Variants in AKAP6 observed in about 807,000 individuals in gnomAD.
AKAP6 encodes A-kinase anchor protein 6.
A neutral mutation model predicts 188.5 loss-of-function variants in AKAP6; 58 were observed. The ratio of observed to expected loss-of-function variants is 0.31; its 90% CI spans 0.25 to 0.38. The LOEUF (loss-of-function observed/expected upper bound fraction) is 0.38, where lower values mean the gene tolerates loss of function less well. AKAP6 is among the 10% of genes least tolerant of loss of function. The pLI is 1.00. For synonymous variants in AKAP6, 989 were observed against 998.6 expected, an observed-to-expected ratio of 0.99 and a Z score of 0.18; for missense variants, 2,710 against 2,740.0, an observed-to-expected ratio of 0.99 and a Z score of 0.24.
At chr14:32,578,901 G>A (rs1051312524) in intron 5 of AKAP6, among the ~76,000 whole-genome samples, 2 of 152,016 alleles carry the variant, frequency 1.3e-5, no homozygotes, top group Admixed American at 1.3e-4. Flanking sequence ...GTATTACAGG[G>A]TTTCTTACTT....
intron 11 of AKAP6, among the ~76,000 whole-genome samples, chr14:32,749,795 A>T (rs1042025883): frequency 3.9e-5 from 6 of 152,212 alleles, no homozygotes; most frequent in African/African-American, 1.4e-4. Flanking sequence ...GAGGATTTGA[A>T]TCTGGAAGGA....
intron 12 of AKAP6, among the ~76,000 whole-genome samples, chr14:32,787,544 AG>A (rs1283747208): frequency 6.6e-6 from 1 of 152,204 alleles, no homozygotes; most frequent in Non-Finnish European, 1.5e-5. Flanking sequence ...AAAAGCAAAA[AG>A]AATTACTACA....
intron 2 of AKAP6, among the ~76,000 whole-genome samples, chr14:32,499,887 G>T (rs1413903942): frequency 6.6e-6 from 1 of 151,860 alleles, no homozygotes; most frequent in African/African-American, 2.4e-5. Context: ...TCATACCAAA[G>T]ACCTATTATT....
At chr14:32,531,822 C>T (rs1192117773) in intron 2 of AKAP6, among the ~76,000 whole-genome samples, 1 of 152,152 alleles carries the variant, frequency 6.6e-6, no homozygotes, top group Admixed American at 6.5e-5. Flanking sequence ...TATAGTGGTT[C>T]ACTTTTTAAA....
chr14:32,828,527 TCTCACACACACACACACACACACA>T (rs1393228154), intron 13 of AKAP6, among the ~76,000 whole-genome samples: 1 of 76,650 alleles, frequency 1.3e-5, no homozygotes, highest in Non-Finnish European at 2.2e-5. Flanking sequence ...TCTCTCTCTC[TCTCACACACACACACACACACACA>T]CACACACACA....
intron 2 of AKAP6, among the ~76,000 whole-genome samples, chr14:32,501,993 A>G (rs73269408): frequency 0.097 from 14,786 of 152,042 alleles, 775 homozygotes; most frequent in African/African-American, 0.11. Context: ...TAATAGTACT[A>G]TTTTCAGCAT....
chr14:32,502,158 T>G (rs1392770042), intron 2 of AKAP6, among the ~76,000 whole-genome samples: 1 of 152,140 alleles, frequency 6.6e-6, no homozygotes, highest in Non-Finnish European at 1.5e-5. Context: ...AGTTTTTAGC[T>G]TTTTAAAAGT....
intron 2 of AKAP6, among the ~76,000 whole-genome samples, chr14:32,522,354 A>C (rs542560296): frequency 1.3e-5 from 2 of 152,308 alleles, no homozygotes; most frequent in East Asian, 3.9e-4. Context: ...TAATTAAACT[A>C]AAGAGCTTCT....
chr14:32,439,194 G>A (rs1429216001), intron 2 of AKAP6, among the ~76,000 whole-genome samples: 1 of 152,216 alleles, frequency 6.6e-6, no homozygotes, highest in African/African-American at 2.4e-5. Flanking sequence ...TGGGACATCT[G>A]AAGTTAATGC....
At chr14:32,398,735 G>A (rs1261046307) in intron 1 of AKAP6, among the ~76,000 whole-genome samples, 2 of 148,394 alleles carry the variant, frequency 1.3e-5, no homozygotes, top group Admixed American at 1.3e-4. Flanking sequence ...GCAAATTGAT[G>A]GTACTCTTTA....
At chr14:32,785,564 G>A (rs1460267617) in intron 12 of AKAP6, among the ~76,000 whole-genome samples, 2 of 152,152 alleles carry the variant, frequency 1.3e-5, no homozygotes, top group East Asian at 1.9e-4. Flanking sequence ...ATCCAAAGAC[G>A]AAAATGAAGG....
chr14:32,454,684 CTT>C (rs1891068669), intron 2 of AKAP6, among the ~76,000 whole-genome samples: 1 of 63,816 alleles, frequency 1.6e-5, no homozygotes, highest in Non-Finnish European at 3.4e-5. Flanking sequence ...TCCTTCCCTC[CTT>C]CCCTCCCTCC....
At chr14:32,343,527 T>C (rs1167478091) in intron 1 of AKAP6, among the ~76,000 whole-genome samples, 1 of 151,600 alleles carries the variant, frequency 6.6e-6, no homozygotes, top group Non-Finnish European at 1.5e-5. Context: ...GGTGGGTGGA[T>C]CACGAGGTCA....
At chr14:32,359,828 C>A (rs1274227319) in intron 1 of AKAP6, among the ~76,000 whole-genome samples, 4 of 152,116 alleles carry the variant, frequency 2.6e-5, no homozygotes, top group Non-Finnish European at 5.9e-5. Context: ...AGTGATGTAC[C>A]TTTCTCATCA....
chr14:32,711,868 G>C (rs569549784), intron 9 of AKAP6, among the ~76,000 whole-genome samples: 3 of 151,886 alleles, frequency 2.0e-5, no homozygotes, highest in African/African-American at 2.4e-5. Context: ...ATCCTCTCAG[G>C]CCTCATTTTC....
chr14:32,410,891 C>T (rs1269910032), intron 1 of AKAP6, among the ~76,000 whole-genome samples: 1 of 152,094 alleles, frequency 6.6e-6, no homozygotes, highest in Non-Finnish European at 1.5e-5. Context: ...ACAGCTAAAT[C>T]ACACTATGCT....
chr14:32,765,169 G>A (rs1043639201), intron 11 of AKAP6, among the ~76,000 whole-genome samples: 1 of 151,976 alleles, frequency 6.6e-6, no homozygotes, highest in East Asian at 1.9e-4. Flanking sequence ...TCCTGACCTC[G>A]TGATCCGCCT....
intron 7 of AKAP6, among the ~76,000 whole-genome samples, chr14:32,612,237 C>A (rs1389395903): frequency 6.6e-6 from 1 of 152,110 alleles, no homozygotes. Flanking sequence ...TTATATCTTT[C>A]ATAATTAACT....
intron 12 of AKAP6, among the ~76,000 whole-genome samples, chr14:32,819,341 A>T (rs1209873198): frequency 6.6e-6 from 1 of 152,220 alleles, no homozygotes; most frequent in Admixed American, 6.5e-5. Flanking sequence ...TTTAACTATT[A>T]GTTTCAGGAA....
Sources: allele counts gnomAD v4.1 joint callset (sites outside exome capture counted in the v4.1 genomes callset), GRCh38; gene constraint gnomAD v4.1.1; transcripts MANE v1.5; gene names NCBI Gene and HGNC (gene_info 2026-07-23, HGNC 2026-07-21).